Variants in MGST1 observed in about 807,000 individuals in gnomAD.
The protein encoded by MGST1 is microsomal glutathione S-transferase 1, also known as glutathione S-transferase 12.
Under a neutral mutation model 8.9 loss-of-function variants are expected in MGST1, and 5 were observed. That is an observed-to-expected ratio of 0.56 (90% CI 0.29 to 1.19). The LOEUF (loss-of-function observed/expected upper bound fraction) is 1.19, where lower values mean the gene tolerates loss of function less well. Ranked by LOEUF, MGST1 falls within the 50% of genes most tolerant of loss-of-function variation. The pLI, the probability that MGST1 is intolerant of heterozygous loss-of-function variation, is 0.08. For missense variants in MGST1, 182 were observed against 187.4 expected, an observed-to-expected ratio of 0.97 and a Z score of 0.17; for synonymous variants, 54 against 67.8, an observed-to-expected ratio of 0.80 and a Z score of 1.00.
At chr12:16,484,982 T>G (rs1941389951) in intron 4 of MGST1, among the ~76,000 whole-genome samples, 1 of 152,254 alleles carries the variant, frequency 6.6e-6, no homozygotes, top group Admixed American at 6.5e-5. Flanking sequence ...CAATCCACTC[T>G]AACCTGAACC....
rs1565438559 is a variant in MGST1 at position 16,362,824 on chromosome 12, C to G, written c.222-971C>G. The G allele has an allele frequency of 6.6e-6, 1 of 152,084 alleles. No individual in the cohort carries two copies. Among genetic ancestry groups the G allele is most frequent in the Non-Finnish European group, 1.5e-5 (1 of 68,086 alleles). The allele number at this position is 152,084 out of a possible 1,614,324, so 9.4% of individuals were successfully genotyped here. A position where few individuals can be genotyped will look rare whatever the true frequency, so the allele number is the denominator to read the frequency against. ...AAATTAGCCAGGCATGGTGGTGAGG[C>G]CTGTAGTCCCAGCTACTCATGATGC... On this transcript the variant is annotated intron_variant, in intron 3 of 3. Coordinates refer to ENST00000396210, the MANE Select transcript of MGST1 (RefSeq NM_020300.5). This position sits in a 1 kb window ranked among gnomAD's most constrained non-coding sequence, Gnocchi z 4.4.
intron 4 of MGST1, among the ~76,000 whole-genome samples, chr12:16,445,110 G>T (rs1471370406): frequency 6.6e-6 from 1 of 151,592 alleles, no homozygotes; most frequent in Non-Finnish European, 1.5e-5. Context: ...TCCTGGGCTT[G>T]CTGTCTAGCC....
chr12:16,554,977 G>C (rs966293510), intron 4 of MGST1, among the ~76,000 whole-genome samples: 3 of 152,134 alleles, frequency 2.0e-5, no homozygotes, highest in Admixed American at 6.6e-5. Flanking sequence ...TAAATCTTGA[G>C]TCTACCACTT....
At chr12:16,395,544 A>G (rs1940596497) in intron 1 of MGST1, among the ~76,000 whole-genome samples, 1 of 151,834 alleles carries the variant, frequency 6.6e-6, no homozygotes, top group African/African-American at 2.4e-5. Flanking sequence ...ACTGAACCCA[A>G]TTTGTAGTCT....
At chr12:16,447,648 T>A (rs1410322868) in intron 4 of MGST1, among the ~76,000 whole-genome samples, 1 of 151,852 alleles carries the variant, frequency 6.6e-6, no homozygotes, top group African/African-American at 2.4e-5. Context: ...TTTGACATAG[T>A]TAAACATTCT....
At position 16,403,506 on chromosome 12, in the gene MGST1, T is replaced by C. The variant is rs116090095; in HGVS notation, n.778+19902T>C. Among the ~76,000 whole-genome samples, 345 of 152,246 alleles carry C rather than the reference T, an allele frequency of 2.3e-3. 2 individuals carry two copies. The highest frequency in any genetic ancestry group is 7.6e-3 in the African/African-American group (314 of 41,568). The stretch of plus-strand genomic sequence containing the variant: ...TGCAATTATTGGCTATAATGTTCTG[T>C]ATGTATTAGATTGGTGCAAAAGTAA... On this transcript the variant is annotated intron_variant and non_coding_transcript_variant, in intron 1 of 1. Coordinates refer to the MGST1 transcript ENST00000359720.
rs1206521534 is a variant in MGST1 at position 16,363,610 on chromosome 12, T to G, written c.222-185T>G. The G allele has an allele frequency of 1.4e-5, 6 of 429,538 alleles. No individual in the cohort carries two copies. Among genetic ancestry groups the G allele is most frequent in the Admixed American group, 4.0e-5 (1 of 25,096 alleles). The allele number at this position is 429,538 out of a possible 1,614,324, so 26.6% of individuals were successfully genotyped here. A position where few individuals can be genotyped will look rare whatever the true frequency, so the allele number is the denominator to read the frequency against. ...TAAAAATAAAAAGAAACAGAAATAA[T>G]GAGAGATTCTAAATAAAAGTCAAGT... On this transcript the variant is annotated intron_variant, in intron 3 of 3. Coordinates refer to ENST00000396210, the MANE Select transcript of MGST1 (RefSeq NM_020300.5). The surrounding 1 kb of genome is among the most constrained non-coding windows in gnomAD (Gnocchi z 4.6).
intron 1 of MGST1, among the ~76,000 whole-genome samples, chr12:16,423,373 G>A (rs1053952182): frequency 6.6e-6 from 1 of 151,994 alleles, no homozygotes; most frequent in Middle Eastern, 3.2e-3. Context: ...GCAAGTATTT[G>A]ATTTTAAAGT....
At chr12:16,454,299 G>A (rs905515632) in intron 4 of MGST1, among the ~76,000 whole-genome samples, 2 of 151,952 alleles carry the variant, frequency 1.3e-5, no homozygotes, top group African/African-American at 2.4e-5. Flanking sequence ...TTAAGGTTTG[G>A]ACTACATATT....
chr12:16,390,924 A>G (rs1199576319), intron 1 of MGST1, among the ~76,000 whole-genome samples: 1 of 151,980 alleles, frequency 6.6e-6, no homozygotes, highest in Non-Finnish European at 1.5e-5. Context: ...CACTCCCACC[A>G]AGAGTGCATA....
chr12:16,466,780 CTT>C (rs1275900721), intron 4 of MGST1, among the ~76,000 whole-genome samples: 1 of 152,122 alleles, frequency 6.6e-6, no homozygotes, highest in Non-Finnish European at 1.5e-5. Context: ...TTTTAACACA[CTT>C]TCTCTTTTGT....
In MGST1 at chr12:16,500,383, C is replaced by G. The variant is rs1941498123; in HGVS notation, n.483-89145C>G. Reference sequence around the variant, plus strand: ...TTATTATAACAACAGCTATTCCCAACCTTCTAGCTTGATCCATTCAGGGAC... The same window carrying G: ...TTATTATAACAACAGCTATTCCCAAGCTTCTAGCTTGATCCATTCAGGGAC... On this transcript the variant is annotated intron_variant and non_coding_transcript_variant, in intron 4 of 4. Coordinates refer to the MGST1 transcript ENST00000538857. This position sits in a 1 kb window ranked among gnomAD's most constrained non-coding sequence, Gnocchi z 4.3. Among the ~76,000 whole-genome samples, 1 of 152,208 alleles carries G rather than the reference C, an allele frequency of 6.6e-6. No individual in the cohort carries two copies. Among genetic ancestry groups the G allele is most frequent in the Admixed American group, 6.5e-5 (1 of 15,276 alleles).
intron 4 of MGST1, among the ~76,000 whole-genome samples, chr12:16,583,819 G>A (rs1312406254): frequency 1.3e-5 from 2 of 152,106 alleles, no homozygotes; most frequent in Non-Finnish European, 2.9e-5. Flanking sequence ...GAAGTGAAGG[G>A]GACTTGCCTG....
At chr12:16,508,147 A>G (rs1410587083) in intron 4 of MGST1, among the ~76,000 whole-genome samples, 1 of 152,160 alleles carries the variant, frequency 6.6e-6, no homozygotes, top group Non-Finnish European at 1.5e-5. Context: ...GATTATCATT[A>G]TACTCCTAAA....
chr12:16,526,312 A>T (rs984887), intron 4 of MGST1, among the ~76,000 whole-genome samples: 71,830 of 151,742 alleles, frequency 0.47, 17,619 homozygotes, highest in Admixed American at 0.57. Flanking sequence ...CAGGGAGCTA[A>T]GTGGCCCACA....
intron 4 of MGST1, among the ~76,000 whole-genome samples, chr12:16,508,158 A>T (rs2081038678): frequency 6.6e-6 from 1 of 152,020 alleles, no homozygotes; most frequent in African/African-American, 2.4e-5. Flanking sequence ...TACTCCTAAA[A>T]CCCTATGAAG....
At chr12:16,366,191 A>G (rs1160332288), downstream of MGST1, among the ~76,000 whole-genome samples, 3 of 152,240 alleles carry the variant, frequency 2.0e-5, no homozygotes, top group African/African-American at 7.2e-5. The surrounding 1 kb of genome is among the most constrained non-coding windows in gnomAD (Gnocchi z 4.0). Context: ...AACTATGTAT[A>G]TGAGCAGAAC....
At chr12:16,377,127 A>T (rs1311450095) in exon 4 of MGST1, 2 of 151,636 alleles carry the variant, frequency 1.3e-5, no homozygotes, top group Middle Eastern at 3.2e-3. Context: ...CAAATACTCC[A>T]GTTTTTTGTG....
rs12227057 is a variant in MGST1, at chr12:16,516,964, A to G, written n.483-72564A>G. On this transcript the variant is annotated intron_variant and non_coding_transcript_variant, in intron 4 of 4. Transcript: ENST00000538857. ...TATTCTCTGATAGTCAGGAATGTCA[A>G]CACTCAGTACATTATTTGATTTAGC... Among the ~76,000 whole-genome samples the G allele has an allele frequency of 8.8e-3, 1,340 of 152,348 alleles. 56 individuals are homozygous for G. The East Asian group carries it at 0.14, about 15-fold the overall frequency.
Sources: gnomAD v4.1 joint callset for allele counts (sites outside exome capture counted in the v4.1 genomes callset) on GRCh38, gnomAD v4.1.1 for gene constraint, Gnocchi (gnomAD v3.1) non-coding constraint, MANE v1.5 for transcripts, NCBI Gene and HGNC (gene_info 2026-07-23, HGNC 2026-07-21) for gene names.